The following LCTL variants were observed in gnomAD, a reference collection of about 807,000 sequenced individuals.
LCTL encodes the protein lactase-like protein.
Under a neutral mutation model 75.8 loss-of-function variants are expected in LCTL, and 76 were observed. The observed-to-expected ratio is 1.00, with a 90% CI of 0.83 to 1.21. The LOEUF (loss-of-function observed/expected upper bound fraction) is 1.21, where lower values mean the gene tolerates loss of function less well. Among genes scored for constraint, LCTL ranks in the 50% most tolerant of loss-of-function variants. LCTL has a pLI of 0.00. For synonymous variants in LCTL, 271 were observed against 268.8 expected (o/e 1.01, Z -0.08); for missense variants, 670 against 712.4 (o/e 0.94, Z 0.68).
At chr15:66,554,691 T>C (rs1249147066) in intron 8 of LCTL, among the ~76,000 whole-genome samples, 1 of 152,230 alleles carries the variant, frequency 6.6e-6, no homozygotes. Context: ...CCTAAATGTC[T>C]GTCAGTAGGG....
exon 5 of LCTL, chr15:66,561,307 C>T (rs773189769): frequency 6.2e-7 from 1 of 1,614,104 alleles, no homozygotes; most frequent in East Asian, 2.2e-5. Context: ...CGTATTTGAC[C>T]TGGAGCAGCT....
At chr15:66,561,616 T>C (rs1446043626) in intron 4 of LCTL, among the ~76,000 whole-genome samples, 4 of 152,198 alleles carry the variant, frequency 2.6e-5, no homozygotes, top group Non-Finnish European at 4.4e-5. Flanking sequence ...CTAGAAGCCT[T>C]GGGACAGAGT....
At chr15:66,562,402 CAA>C (rs201874546) in intron 4 of LCTL, among the ~76,000 whole-genome samples, 1 of 105,622 alleles carries the variant, frequency 9.5e-6, no homozygotes, top group Non-Finnish European at 2.0e-5. Flanking sequence ...GACTCCATCT[CAA>C]AAAAAAAAAA....
chr15:66,563,899 TC>T lies in LCTL; in HGVS notation c.370+11del. ...GCCTCACTTGGGTTCAAGAGGGGCT[TC>T]CCTAGCTCACCTCGGATGCCTGTGG... On this transcript the variant is annotated intron_variant, in intron 3 of 12. Coordinates refer to ENST00000341509, the Ensembl canonical transcript of LCTL. 1 of 1,611,432 alleles carries T rather than the reference TC, an allele frequency of 6.2e-7. No individual in the cohort carries two copies. The highest frequency in any genetic ancestry group is 8.5e-7 in the Non-Finnish European group (1 of 1,177,522).
At chr15:66,564,831 A>T in exon 2 of LCTL, 1 of 1,611,694 alleles carries the variant, frequency 6.2e-7, no homozygotes, top group South Asian at 1.1e-5. Context: ...CCCACGCCCC[A>T]GGAGAAGCCT....
At chr15:66,551,976 T>C (rs2140834830) in intron 10 of LCTL, 67 bp downstream of exon 11, 1 of 1,568,150 alleles carries the variant, frequency 6.4e-7, no homozygotes, top group Admixed American at 1.9e-5. Context: ...TTCAGTTGAT[T>C]GTGTGTTAAT....
rs200427046 is a variant in LCTL at position 66,561,168 on chromosome 15, C to T, written c.609+19G>A. The T allele has an allele frequency of 8.2e-5, 132 of 1,614,202 alleles. No homozygotes were observed. In the Middle Eastern group the frequency reaches 1.3e-3, roughly 16 times the overall value. On this transcript the variant is annotated intron_variant, in intron 5 of 12. Coordinates refer to ENST00000341509, the Ensembl canonical transcript of LCTL. ...GGCAGGGAGTGTCACATTCTCCCAC[C>T]TGGAGGGGCCCTGCTTACCCGAGGA...
exon 11 of LCTL, chr15:66,551,832 A>G (rs767986914): frequency 1.2e-6 from 2 of 1,613,606 alleles, no homozygotes; most frequent in East Asian, 2.2e-5. Flanking sequence ...CAGGAAGTAT[A>G]CCCCTTTATA....
intron 4 of LCTL, among the ~76,000 whole-genome samples, 198 bp downstream of exon 5, chr15:66,563,318 C>T (rs1895940941): frequency 6.6e-6 from 1 of 152,242 alleles, no homozygotes; most frequent in Non-Finnish European, 1.5e-5. Context: ...TACCCAGACT[C>T]AGGCATTCCA....
chr15:66,564,772 C>T, exon 2 of LCTL: 1 of 1,613,758 alleles, frequency 6.2e-7, no homozygotes, highest in Non-Finnish European at 8.5e-7. Flanking sequence ...AGATGCTAGG[C>T]CCTTTCCCGT....
intron 11 of LCTL, among the ~76,000 whole-genome samples, chr15:66,550,451 T>G (rs1895554979): frequency 6.6e-6 from 1 of 152,204 alleles, no homozygotes. Context: ...TGAAATTTAC[T>G]TTTTAAAATT....
chr15:66,550,343 C>T (rs1284366551), intron 11 of LCTL, among the ~76,000 whole-genome samples: 1 of 152,150 alleles, frequency 6.6e-6, no homozygotes, highest in African/African-American at 2.4e-5. Context: ...TAGTGCTTTT[C>T]TAATAATGTA....
chr15:66,550,039 A>T lies in LCTL; in HGVS notation c.1588+2T>A, dbSNP rs759102305. The stretch of plus-strand genomic sequence containing the variant: ...GGAAAACATTGAAATATACTGACTC[A>T]CCTGCAGCAAGCATCTGATTGTTGA... On this transcript the variant is annotated splice_donor_variant, in intron 12 of 12. Coordinates refer to ENST00000341509, the Ensembl canonical transcript of LCTL. LOFTEE classifies it high-confidence loss of function. The T allele has an allele frequency of 2.5e-6, 4 of 1,594,340 alleles. No homozygotes were observed. The highest frequency in any genetic ancestry group is 2.3e-5 in the East Asian group (1 of 44,304).
intron 1 of LCTL, 35 bp downstream of exon 2, chr15:66,565,213 G>A: frequency 1.4e-6 from 2 of 1,413,792 alleles, no homozygotes; most frequent in Middle Eastern, 1.8e-4. Flanking sequence ...GTGGACGACA[G>A]ACAGGCAGAC....
chr15:66,564,954 T>A, intron 1 of LCTL, 115 bp from the exon 3 acceptor site: 3 of 933,486 alleles, frequency 3.2e-6, no homozygotes, highest in Non-Finnish European at 4.8e-6. Context: ...ACGCTGCCCC[T>A]GTCCCACTGG....
chr15:66,550,000 G>C (rs1476886776), intron 12 of LCTL, 41 bp downstream of exon 13: 10 of 1,357,350 alleles, frequency 7.4e-6, no homozygotes, highest in Non-Finnish European at 9.1e-6. Context: ...TAATTATTTA[G>C]TTTAATTATT....
exon 10 of LCTL, chr15:66,552,052 T>G: frequency 6.2e-7 from 1 of 1,610,374 alleles, no homozygotes; most frequent in Non-Finnish European, 8.5e-7. Context: ...CCTTTTAGCA[T>G]TTCATTTATG....
chr15:66,556,808 G>T (rs1408837661), intron 8 of LCTL, among the ~76,000 whole-genome samples: 1 of 152,108 alleles, frequency 6.6e-6, no homozygotes, highest in Non-Finnish European at 1.5e-5. Context: ...TTTCAGTTTT[G>T]CAAGATGAAG....
rs377281369 is a variant in LCTL at position 66,561,668 on chromosome 15, GC to G, written c.481-354del. On this transcript the variant is annotated intron_variant, in intron 4 of 12. Transcript: ENST00000341509. ...AGGGCTTTCCCAACCAAAGACATCT[GC>G]CCATGACGGCAGAATTCTCCCAAGA... is the stretch of plus-strand genomic sequence containing the variant. Among the ~76,000 whole-genome samples the G allele has an allele frequency of 3.7e-4, 56 of 152,286 alleles. 3 individuals are homozygous for G. In the South Asian group the frequency reaches 0.012, roughly 32 times the overall value.
Sources: allele counts gnomAD v4.1 joint callset (sites outside exome capture counted in the v4.1 genomes callset), GRCh38; gene constraint gnomAD v4.1.1; transcripts MANE v1.5; gene names NCBI Gene and HGNC (gene_info 2026-07-23, HGNC 2026-07-21).